The following POLN variants were observed in gnomAD, a reference collection of about 807,000 sequenced individuals.
POLN encodes DNA polymerase N.
A neutral mutation model predicts 113.5 loss-of-function variants in POLN; 108 were observed. The ratio of observed to expected loss-of-function variants is 0.95; its 90% CI spans 0.81 to 1.12. The LOEUF is 1.12. Among genes scored for constraint, POLN ranks in the 50% most tolerant of loss-of-function variants. The pLI, the probability that POLN is intolerant of heterozygous loss-of-function variation, is 0.00. For missense variants in POLN, 1,097 were observed against 1,077.1 expected (o/e 1.02, Z -0.26); for synonymous variants, 386 against 391.5 (o/e 0.99, Z 0.17).
intron 20 of POLN, among the ~76,000 whole-genome samples, chr4:2,094,661 G>A (rs1730743415): frequency 6.6e-6 from 1 of 152,182 alleles, no homozygotes; most frequent in African/African-American, 2.4e-5. Context: ...GTGGTACAGG[G>A]GCAGGTGTTC....
In POLN at chr4:2,198,675, G is replaced by T. The variant is rs112454118; in HGVS notation, c.757C>A (p.Arg253Ser). 1.2e-6 allele frequency: 2 copies of T among 1,612,844 alleles called. No individual in the cohort carries two copies. The highest frequency in any genetic ancestry group is 1.7e-5 in the Admixed American group (1 of 59,766). ...SVRGIVVLVK[R>S]QAEGGHGCPD... is the part of the protein sequence containing the mutation. ...CAGCCATGGCCACCCTCTGCTTGGC[G>T]TTTTACTAACACCACAATTCCTCTA... Residue 253 changes from arginine (R) to serine (S), a missense_variant, in exon 6 of 26, where the codon CGC becomes AGC. Arg to Ser is a moderately radical substitution (Grantham distance 110). Coordinates refer to ENST00000511885, the MANE Select transcript of POLN (RefSeq NM_181808.4).
At chr4:2,222,155 T>C (rs1268805371) in intron 3 of POLN, among the ~76,000 whole-genome samples, 1 of 150,704 alleles carries the variant, frequency 6.6e-6, no homozygotes, top group Non-Finnish European at 1.5e-5. Context: ...ATACTCAAGA[T>C]TTTTTTTTTC....
At chr4:2,197,852 T>A (rs774660165) in intron 6 of POLN, among the ~76,000 whole-genome samples, 17 of 152,200 alleles carry the variant, frequency 1.1e-4, no homozygotes, top group Non-Finnish European at 2.2e-4. Context: ...GGTGGCTAAT[T>A]GGCCTTAAAT....
chr4:2,073,270 C>A (rs575499979), intron 24 of POLN, among the ~76,000 whole-genome samples: 3 of 152,216 alleles, frequency 2.0e-5, no homozygotes, highest in African/African-American at 7.2e-5. Context: ...GGATGCCTCT[C>A]GCAGGCCCCT....
intron 23 of POLN, 152 bp from the exon 24 acceptor site, chr4:2,075,671 T>A: frequency 1.3e-6 from 1 of 772,186 alleles, no homozygotes; most frequent in Non-Finnish European, 2.1e-6. Context: ...ATCCCCAAGG[T>A]TTCTGAAAGG....
chr4:2,198,388 G>C (rs374949139), intron 6 of POLN, 136 bp downstream of exon 6: 1 of 656,840 alleles, frequency 1.5e-6, no homozygotes, highest in Non-Finnish European at 2.4e-6. Context: ...TCTATCACTT[G>C]GATCCATTTT....
chr4:2,155,035 C>T (rs1732389487), intron 16 of POLN, among the ~76,000 whole-genome samples: 1 of 152,174 alleles, frequency 6.6e-6, no homozygotes, highest in Non-Finnish European at 1.5e-5. Flanking sequence ...GAGAATAAAA[C>T]ACAGCAAGAG....
At chr4:2,131,973 T>C (rs1181752985) in intron 16 of POLN, among the ~76,000 whole-genome samples, 1 of 152,212 alleles carries the variant, frequency 6.6e-6, no homozygotes, top group Admixed American at 6.5e-5. Flanking sequence ...TAGAACTCAC[T>C]GGGCATTATT....
rs1383948907 is a variant in POLN at position 2,089,580 on chromosome 4, A to T, written c.2066-3836T>A. 2.8e-6 allele frequency: 3 copies of T among 1,053,176 alleles called. No homozygotes were observed. In the African/African-American group the frequency reaches 4.8e-5, roughly 17 times the overall value. The allele number at this position is 1,053,176 out of a possible 1,614,324, so 65.2% of individuals were successfully genotyped here. A position where few individuals can be genotyped will look rare whatever the true frequency, so the allele number is the denominator to read the frequency against. On this transcript the variant is annotated intron_variant, in intron 20 of 25. Coordinates refer to ENST00000511885, the MANE Select transcript of POLN (RefSeq NM_181808.4). ...CAACTAAAGAAACACTTCCAACTTCAGTTTCTTTACTAGCATTTAAATTAT... is the reference window on the plus strand; with the variant it reads ...CAACTAAAGAAACACTTCCAACTTCTGTTTCTTTACTAGCATTTAAATTAT...
intron 3 of POLN, among the ~76,000 whole-genome samples, chr4:2,215,684 C>T (rs1479856509): frequency 6.6e-6 from 1 of 152,196 alleles, no homozygotes; most frequent in African/African-American, 2.4e-5. Context: ...CATATGGGAA[C>T]CACAGTGCTT....
chr4:2,182,919 T>C (rs1464928416), intron 7 of POLN, among the ~76,000 whole-genome samples: 2 of 150,382 alleles, frequency 1.3e-5, no homozygotes, highest in African/African-American at 4.9e-5. Flanking sequence ...TATCTGACAA[T>C]AAACTCATAT....
At chr4:2,208,862 C>T (rs1690429135) in intron 4 of POLN, among the ~76,000 whole-genome samples, 1 of 152,156 alleles carries the variant, frequency 6.6e-6, no homozygotes. Flanking sequence ...GTGGCAGGCG[C>T]TTGTAATTCC....
chr4:2,174,844 A>G, intron 9 of POLN, 93 bp from the exon 10 acceptor site: 1 of 880,340 alleles, frequency 1.1e-6, no homozygotes, highest in Non-Finnish European at 1.8e-6. Flanking sequence ...TTTTTTTGAG[A>G]CAGAGTCTTG....
At chr4:2,234,129 C>G (rs895807589) in intron 2 of POLN, 1 of 152,102 alleles carries the variant, frequency 6.6e-6, no homozygotes, top group Non-Finnish European at 1.5e-5. Flanking sequence ...GTAATTAAAT[C>G]AAGACAGTAT....
At chr4:2,111,637 A>C (rs1018639031) in intron 19 of POLN, among the ~76,000 whole-genome samples, 1 of 152,212 alleles carries the variant, frequency 6.6e-6, no homozygotes, top group East Asian at 1.9e-4. Context: ...ACTCCCATTC[A>C]CAATTGCTTC....
In POLN at chr4:2,241,068, A is replaced by G. The variant is rs1057071825; in HGVS notation, c.-13+452T>C. On this transcript the variant is annotated intron_variant, in intron 2 of 25. Coordinates refer to ENST00000511885, the MANE Select transcript of POLN (RefSeq NM_181808.4). ...CAAGTCCACAGAGAAGGGAAAATAT[A>G]TTTTTAGAATCTATAATGATTCCTC... 13 of 707,174 alleles carry G rather than the reference A, an allele frequency of 1.8e-5. No homozygotes were observed. The Admixed American group carries it at 3.9e-4, about 21-fold the overall frequency. The allele number at this position is 707,174 out of a possible 1,614,324, so 43.8% of individuals were successfully genotyped here. A position where few individuals can be genotyped will look rare whatever the true frequency, so the allele number is the denominator to read the frequency against.
intron 2 of POLN, chr4:2,236,466 A>G (rs764071645): frequency 1.3e-6 from 2 of 1,565,104 alleles, no homozygotes; most frequent in Admixed American, 1.7e-5. Context: ...CCTGAAATGT[A>G]AAAATTAAAA....
chr4:2,085,755 G>T lies in POLN; in HGVS notation c.2066-11C>A. On this transcript the variant is annotated splice_polypyrimidine_tract_variant and intron_variant, in intron 20 of 25. Coordinates refer to ENST00000511885, the MANE Select transcript of POLN (RefSeq NM_181808.4). ...CCAGCCGCTCCTTCCCTGTCAGTCA[G>T]AGAGACGCATGTCAAAGCCTCACTC... 2.5e-6 allele frequency: 4 copies of T among 1,613,106 alleles called. No individual in the cohort carries two copies. The highest frequency in any genetic ancestry group is 3.4e-6 in the Non-Finnish European group (4 of 1,179,998).
intron 9 of POLN, among the ~76,000 whole-genome samples, chr4:2,175,158 T>C (rs7356372): frequency 0.25 from 37,469 of 152,010 alleles, 7,143 homozygotes; most frequent in African/African-American, 0.51. Context: ...AGAATTAAGG[T>C]GACCCCTATC....
Sources: allele counts gnomAD v4.1 joint callset (sites outside exome capture counted in the v4.1 genomes callset), GRCh38; gene constraint gnomAD v4.1.1; transcripts MANE v1.5; gene names NCBI Gene and HGNC (gene_info 2026-07-23, HGNC 2026-07-21).